Variants in BRI3BP observed in about 807,000 individuals in gnomAD.
The protein encoded by BRI3BP is BRI3 binding protein.
In BRI3BP, 7 loss-of-function variants were observed where a neutral mutation model predicts 15.8. That is an observed-to-expected ratio of 0.44 (90% confidence interval 0.25 to 0.83). BRI3BP has a LOEUF of 0.83. Ranked by LOEUF, BRI3BP falls within the 40% of genes least tolerant of loss-of-function variation. BRI3BP has a pLI of 0.20. For missense variants in BRI3BP, 320 were observed against 339.3 expected (o/e 0.94, Z 0.45); for synonymous variants, 192 against 163.5 (o/e 1.17, Z -1.33).
intron 2 of BRI3BP, among the ~76,000 whole-genome samples, chr12:125,020,627 G>A (rs566829144): frequency 6.6e-6 from 1 of 152,318 alleles, no homozygotes; most frequent in East Asian, 1.9e-4. Flanking sequence ...GGCTCATCTG[G>A]TAATCCCAGC....
the BRI3BP span, among the ~76,000 whole-genome samples, chr12:125,041,181 G>T: frequency 6.6e-5 from 10 of 152,130 alleles, no homozygotes; most frequent in Admixed American, 6.6e-5. Context: ...AAGTAGCTGG[G>T]ACTACAGTCA....
At chr12:125,050,494 T>TA in the BRI3BP span, among the ~76,000 whole-genome samples, 1 of 152,054 alleles carries the variant, frequency 6.6e-6, no homozygotes, top group African/African-American at 2.4e-5. Flanking sequence ...AAATGCACAA[T>TA]ATCGACTTAC....
chr12:125,012,793 A>G (rs1955207977), intron 2 of BRI3BP, among the ~76,000 whole-genome samples, 157 bp downstream of exon 2: 2 of 152,152 alleles, frequency 1.3e-5, no homozygotes, highest in South Asian at 2.1e-4. Context: ...AGTCTCATAT[A>G]TAGGCCAGGC....
rs996931998 is a variant in BRI3BP, at chr12:125,028,791, A to G, written c.*3361A>G. ...CCTTCTCCATTCCATGGAACCTTGTAGGGTGTTGGGATTGGGCCTCCCCTC... is the reference window on the plus strand; with the variant it reads ...CCTTCTCCATTCCATGGAACCTTGTGGGGTGTTGGGATTGGGCCTCCCCTC... On this transcript the variant is annotated 3_prime_UTR_variant, in exon 3 of 3. Transcript: ENST00000341446. 2.0e-5 allele frequency: 3 copies of G among 152,138 alleles called. No individual in the cohort carries two copies. The highest frequency in any genetic ancestry group is 4.8e-5 in the African/African-American group (2 of 41,430). The allele number at this position is 152,138 out of a possible 1,614,324, so 9.4% of individuals were successfully genotyped here.
chr12:125,025,295 C>T lies in BRI3BP; in HGVS notation c.621C>T (p.Ser207=). ...GGCCCATGGGCTTCTACTGGCGAAG[C>T]AGTCCCAGCGGCCCCAGCAACCCCA... ...MTGPMGFYWR[S]SPSGPSNPSN... The change falls in exon 3 of 3, where the codon AGC becomes AGT. Residue 207 remains serine, a synonymous_variant. Coordinates refer to ENST00000341446, the MANE Select transcript of BRI3BP (RefSeq NM_080626.6). 1 of 1,613,948 alleles carries T rather than the reference C, an allele frequency of 6.2e-7. No individual in the cohort carries two copies. Among genetic ancestry groups the T allele is most frequent in the Non-Finnish European group, 8.5e-7 (1 of 1,179,982 alleles).
chr12:125,023,159 A>C (rs1565906863), intron 2 of BRI3BP, among the ~76,000 whole-genome samples: 1 of 152,198 alleles, frequency 6.6e-6, no homozygotes, highest in Non-Finnish European at 1.5e-5. Flanking sequence ...ATCCAACATA[A>C]CATTGGCTTA....
chr12:125,034,735 GCC>G (rs1955430813), downstream of BRI3BP, among the ~76,000 whole-genome samples: 3 of 151,888 alleles, frequency 2.0e-5, no homozygotes, highest in African/African-American at 4.8e-5. Context: ...GACTACAGGC[GCC>G]TGCCACCACG....
At chr12:125,004,483 A>G (rs186756452) in intron 1 of BRI3BP, among the ~76,000 whole-genome samples, 1 of 151,786 alleles carries the variant, frequency 6.6e-6, no homozygotes, top group Non-Finnish European at 1.5e-5. Flanking sequence ...AGCCTTTTTT[A>G]AAAAAAAATT....
chr12:125,042,052 AT>A, the BRI3BP span, among the ~76,000 whole-genome samples: 23 of 152,368 alleles, frequency 1.5e-4, 1 homozygote, highest in African/African-American at 5.5e-4. Flanking sequence ...ACCCTAGTTT[AT>A]CTGAATGGCT....
chr12:125,006,453 T>C (rs1472155275), intron 1 of BRI3BP, among the ~76,000 whole-genome samples: 3 of 152,160 alleles, frequency 2.0e-5, no homozygotes, highest in Admixed American at 1.3e-4. Context: ...AGAAAGAACC[T>C]CTGACCTACA....
the BRI3BP span, among the ~76,000 whole-genome samples, chr12:125,042,373 G>C: frequency 1.3e-5 from 2 of 151,904 alleles, no homozygotes; most frequent in African/African-American, 4.8e-5. Flanking sequence ...AGTTCCCATG[G>C]TGTTTCTGTG....
At position 124,993,949 on chromosome 12, in the gene BRI3BP, C is replaced by G. The variant is rs370201260; in HGVS notation, c.159C>G (p.Phe53Leu). The G allele has an allele frequency of 1.5e-4, 199 of 1,371,692 alleles. 1 individual carries two copies. Among genetic ancestry groups the G allele is most frequent in the Non-Finnish European group, 1.9e-4 (196 of 1,049,196 alleles). 85.0% of individuals were successfully genotyped at this position (1,371,692 alleles called of 1,614,324 possible). ...GCTACCGCCGCACGGTCAACACCTT[C>G]TCCCAGAGCGTCAGCAGCCTGTTCG... ...KNSYRRTVNT[F>L]SQSVSSLFGE... The change falls in exon 1 of 3, where the codon TTC (phenylalanine) becomes TTG (leucine). Residue 53 changes from phenylalanine to leucine, a missense_variant. Physicochemically the swap from Phe to Leu is conservative, Grantham distance 22 (BLOSUM62 0). Coordinates refer to ENST00000341446, the MANE Select transcript of BRI3BP (RefSeq NM_080626.6).
At chr12:125,032,048 G>T (rs1407705779), downstream of BRI3BP, among the ~76,000 whole-genome samples, 1 of 152,136 alleles carries the variant, frequency 6.6e-6, no homozygotes, top group East Asian at 1.9e-4. Context: ...GCAGGTGAGC[G>T]GGGGCGGTGA....
rs530970204 is a variant in BRI3BP, at chr12:125,018,472, G to A, written c.316+5836G>A. On this transcript the variant is annotated intron_variant, in intron 2 of 2. Transcript: ENST00000341446. The stretch of plus-strand genomic sequence containing the variant: ...AGGGGAAATTTAGACACAGACACAC[G>A]TAGGGAGAAGGCCACGTGAAGGCAG... Among the ~76,000 whole-genome samples, 6 of 152,160 alleles carry A rather than the reference G, an allele frequency of 3.9e-5. No individual in the cohort carries two copies. In the South Asian group the frequency reaches 8.3e-4, roughly 21 times the overall value.
chr12:125,007,519 A>G (rs991490782), intron 1 of BRI3BP, among the ~76,000 whole-genome samples: 1 of 152,092 alleles, frequency 6.6e-6, no homozygotes, highest in Non-Finnish European at 1.5e-5. Flanking sequence ...AATGCACTGT[A>G]GCCCAGGTGA....
intron 2 of BRI3BP, among the ~76,000 whole-genome samples, chr12:125,020,637 C>T (rs1955290364): frequency 6.6e-6 from 1 of 152,196 alleles, no homozygotes; most frequent in Non-Finnish European, 1.5e-5. Context: ...GTAATCCCAG[C>T]ACTTTGGGAG....
chr12:125,044,675 C>T, the BRI3BP span, among the ~76,000 whole-genome samples: 1 of 152,128 alleles, frequency 6.6e-6, no homozygotes, highest in African/African-American at 2.4e-5. Flanking sequence ...GTCTTGAACT[C>T]CTGGCCTCAA....
chr12:125,008,601 A>G (rs1032616718), intron 1 of BRI3BP, among the ~76,000 whole-genome samples: 7 of 151,902 alleles, frequency 4.6e-5, no homozygotes, highest in South Asian at 2.1e-4. Flanking sequence ...ATGAGCCACC[A>G]CGCCTGGCCA....
At chr12:125,035,128 A>G (rs1955433829), downstream of BRI3BP, among the ~76,000 whole-genome samples, 1 of 152,210 alleles carries the variant, frequency 6.6e-6, no homozygotes, top group South Asian at 2.1e-4. Context: ...TGGGGCTATT[A>G]CAAATAAAGC....
Sources: allele counts gnomAD v4.1 joint callset (sites outside exome capture counted in the v4.1 genomes callset), GRCh38; gene constraint gnomAD v4.1.1; transcripts MANE v1.5; gene names NCBI Gene and HGNC (gene_info 2026-07-23, HGNC 2026-07-21).